NIPBL: variants seen among roughly 807,000 people sequenced by gnomAD.
NIPBL encodes the protein nipped-B-like protein.
Under a neutral mutation model 321.8 loss-of-function variants are expected in NIPBL, and 19 were observed. The ratio of observed to expected loss-of-function variants is 0.06; its 90% CI spans 0.04 to 0.09. The LOEUF is 0.09. Among genes scored for constraint, NIPBL ranks in the 10% least tolerant of loss-of-function variants. NIPBL has a pLI of 1.00. For missense variants in NIPBL, 2,210 were observed against 3,327.0 expected (o/e 0.66, Z 8.26); for synonymous variants, 1,106 against 1,114.1 (o/e 0.99, Z 0.14).
intron 21 of NIPBL, among the ~76,000 whole-genome samples, chr5:37,013,082 G>T (rs529258237): frequency 6.7e-6 from 1 of 149,378 alleles, no homozygotes; most frequent in African/African-American, 2.5e-5. Context: ...GCAGCTGGCC[G>T]GGCAGAGGGG....
At chr5:36,885,845 G>A (rs1343028723) in intron 1 of NIPBL, 1 of 700,694 alleles carries the variant, frequency 1.4e-6, no homozygotes, top group African/African-American at 1.7e-5. Flanking sequence ...CTTAATGAAG[G>A]AGAACCACGA....
intron 16 of NIPBL, among the ~76,000 whole-genome samples, chr5:37,005,890 C>T (rs553711356): frequency 6.6e-6 from 1 of 152,112 alleles, no homozygotes; most frequent in Non-Finnish European, 1.5e-5. Context: ...ACTGTGTTGT[C>T]GAAAAGCAGG....
chr5:37,052,493 C>T lies in NIPBL; in HGVS notation c.7190C>T (p.Ser2397Phe). The T allele has an allele frequency of 6.2e-7, 1 of 1,614,140 alleles. No individual in the cohort carries two copies. Among genetic ancestry groups the T allele is most frequent in the South Asian group, 1.1e-5 (1 of 91,080 alleles). The change falls in exon 42 of 47, where the codon TCC becomes TTC. Residue 2397 changes from serine (S) to phenylalanine (F), a missense_variant. By Grantham distance (155) the Ser-to-Phe change is radical (BLOSUM62 -2). Coordinates refer to ENST00000282516, the MANE Select transcript of NIPBL (RefSeq NM_133433.4). Reference protein sequence around the residue: ...SSSALCSHLYSMIRGNRQHRR... With the variant: ...SSSALCSHLYFMIRGNRQHRR... The stretch of plus-strand genomic sequence containing the variant: ...AGCGCTTTGTGTTCACACCTTTACT[C>T]CATGATCCGTGGAAACCGCCAACAC...
Position 36,946,886 on chromosome 5 carries a change from A to G in NIPBL, c.-79-6732A>G, listed in dbSNP as rs1301846535. 4.6e-5 allele frequency among the ~76,000 whole-genome samples: 7 copies of G among 152,176 alleles called. No individual in the cohort carries two copies. The East Asian group carries it at 1.2e-3, about 25-fold the overall frequency. On this transcript the variant is annotated intron_variant, in intron 1 of 46. Transcript: ENST00000282516. ...TTTGCTGTAGGTTTATCTTTTTTCC[A>G]TAGCAGTGTAGATGTTTCTCAGTTT...
chr5:36,893,565 G>A (rs1163886161), intron 1 of NIPBL, among the ~76,000 whole-genome samples: 1 of 151,368 alleles, frequency 6.6e-6, no homozygotes, highest in African/African-American at 2.4e-5. Flanking sequence ...TGTTCCCTTA[G>A]ACTTCTCAAT....
rs190940386 is a variant in NIPBL, at chr5:36,918,658, G to A, written c.-79-34960G>A. ...CCCATTCAGTATGATATTGGCTGTG[G>A]GTTTGTCATAGATAGCTCTTGTTAC... On this transcript the variant is annotated intron_variant, in intron 1 of 46. Coordinates refer to ENST00000282516, the MANE Select transcript of NIPBL (RefSeq NM_133433.4). Among the ~76,000 whole-genome samples the A allele has an allele frequency of 1.7e-3, 261 of 152,146 alleles. 2 individuals are homozygous for A. The highest frequency in any genetic ancestry group is 6.0e-3 in the African/African-American group (247 of 41,486).
At chr5:36,942,934 C>T (rs1196656000) in intron 1 of NIPBL, among the ~76,000 whole-genome samples, 1 of 151,970 alleles carries the variant, frequency 6.6e-6, no homozygotes, top group South Asian at 2.1e-4. Flanking sequence ...TTCTTGCTAA[C>T]CTCACTGTGA....
At chr5:36,882,927 C>G (rs1242252542) in intron 1 of NIPBL, among the ~76,000 whole-genome samples, 1 of 149,676 alleles carries the variant, frequency 6.7e-6, no homozygotes, top group Non-Finnish European at 1.5e-5. Flanking sequence ...GTGTATAGTA[C>G]ACAAAATGTT....
At chr5:37,002,127 A>G (rs1404209234) in intron 14 of NIPBL, among the ~76,000 whole-genome samples, 1 of 152,200 alleles carries the variant, frequency 6.6e-6, no homozygotes, top group Non-Finnish European at 1.5e-5. Flanking sequence ...GCCTTAAACC[A>G]AAAGAGTGAG....
chr5:36,885,480 C>G (rs776251571), intron 1 of NIPBL: 4 of 490,868 alleles, frequency 8.1e-6, no homozygotes, highest in Non-Finnish European at 1.2e-5. Context: ...CACCTGGCCT[C>G]CTACCTGGAC....
At chr5:36,927,785 A>T (rs1199466881) in intron 1 of NIPBL, among the ~76,000 whole-genome samples, 1 of 152,168 alleles carries the variant, frequency 6.6e-6, no homozygotes, top group African/African-American at 2.4e-5. Context: ...AGTTCAGGAG[A>T]GAGGTCCAGG....
At chr5:37,013,007 G>A (rs1327333235) in intron 21 of NIPBL, among the ~76,000 whole-genome samples, 2 of 152,140 alleles carry the variant, frequency 1.3e-5, no homozygotes, top group African/African-American at 4.8e-5. Context: ...GGTGGTGGCC[G>A]GGCAGAGGCG....
chr5:36,899,626 A>G (rs779357840), intron 1 of NIPBL, among the ~76,000 whole-genome samples: 2 of 152,186 alleles, frequency 1.3e-5, no homozygotes, highest in Non-Finnish European at 2.9e-5. Flanking sequence ...CCTCCAAAGG[A>G]TTGCTTTCTA....
intron 33 of NIPBL, among the ~76,000 whole-genome samples, chr5:37,037,240 T>A (rs1561194800): frequency 6.6e-6 from 1 of 150,972 alleles, no homozygotes; most frequent in Non-Finnish European, 1.5e-5. Flanking sequence ...ACAAAAAAAT[T>A]AACCAGGCAT....
Position 36,955,637 on chromosome 5 carries a change from T to C in NIPBL, c.230T>C (p.Ile77Thr). ...HSLNQVSTDHIELKDNLGSDD... is the reference protein window; with the variant it reads ...HSLNQVSTDHTELKDNLGSDD... ...CTCAACCAGGTATCAACAGATCACATGTAAGTATGATCAATTTTATATCTA... is the reference window on the plus strand; with the variant it reads ...CTCAACCAGGTATCAACAGATCACACGTAAGTATGATCAATTTTATATCTA... The change falls in exon 3 of 47, where the codon ATA becomes ACA. Residue 77 changes from isoleucine (I) to threonine (T), a missense_variant and splice_region_variant. By Grantham distance (89) the Ile-to-Thr change is moderately conservative. This residue lies in a region of NIPBL where 464 missense variants were observed against 529.5 expected (regional missense o/e 0.88). Transcript: ENST00000282516. 1 of 1,612,364 alleles carries C rather than the reference T, an allele frequency of 6.2e-7. No homozygotes were observed. The highest frequency in any genetic ancestry group is 8.5e-7 in the Non-Finnish European group (1 of 1,178,592).
Position 36,965,899 on chromosome 5 carries a change from TTAGAC to T in NIPBL, c.610+3628_610+3632del, listed in dbSNP as rs368094824. Among the ~76,000 whole-genome samples, 19 of 152,174 alleles carry T rather than the reference TTAGAC, an allele frequency of 1.2e-4. No individual in the cohort carries two copies. In the Middle Eastern group the frequency reaches 0.01, roughly 82 times the overall value. On this transcript the variant is annotated intron_variant, in intron 6 of 46. Transcript: ENST00000282516. ...AGAGAGAATGCAGACGTGAGACAGT[TTAGAC>T]TATTGAGAAAGGTTGCATTTTTTTT... is the stretch of plus-strand genomic sequence containing the variant.
At chr5:36,945,413 A>G (rs1739557772) in intron 1 of NIPBL, among the ~76,000 whole-genome samples, 1 of 152,212 alleles carries the variant, frequency 6.6e-6, no homozygotes, top group African/African-American at 2.4e-5. Context: ...CACATATTTT[A>G]TAAACTGCTT....
chr5:36,924,788 C>G (rs1749223731), intron 1 of NIPBL, among the ~76,000 whole-genome samples: 1 of 152,190 alleles, frequency 6.6e-6, no homozygotes, highest in South Asian at 2.1e-4. Context: ...ACTCTCATCT[C>G]ACATTCCCTT....
At chr5:36,983,215 T>A (rs1744343844) in intron 9 of NIPBL, among the ~76,000 whole-genome samples, 3 of 151,900 alleles carry the variant, frequency 2.0e-5, no homozygotes, top group Admixed American at 6.6e-5. Flanking sequence ...ATATTATACT[T>A]TAGAATTAAA....
Sources: gnomAD v4.1 joint callset for allele counts (sites outside exome capture counted in the v4.1 genomes callset) on GRCh38, gnomAD v4.1.1 for gene constraint, gnomAD v4.1.1 regional missense constraint, MANE v1.5 for transcripts, NCBI Gene and HGNC (gene_info 2026-07-23, HGNC 2026-07-21) for gene names.